The following PRDM5 variants were observed in gnomAD, a reference collection of about 807,000 sequenced individuals.
The protein encoded by PRDM5 is PR domain zinc finger protein 5.
A neutral mutation model predicts 81.2 loss-of-function variants in PRDM5; 56 were observed. The observed-to-expected ratio is 0.69, with a 90% confidence interval of 0.56 to 0.86. The LOEUF is 0.86. Ranked by LOEUF, PRDM5 falls within the 40% of genes least tolerant of loss-of-function variation. The pLI, the probability that PRDM5 is intolerant of heterozygous loss-of-function variation, is 0.00. For missense variants in PRDM5, 697 were observed against 770.1 expected, an observed-to-expected ratio of 0.91 and a Z score of 1.12; for synonymous variants, 267 against 256.4, an observed-to-expected ratio of 1.04 and a Z score of -0.39.
At chr4:120,704,884 G>T (rs2149010861) in intron 15 of PRDM5, among the ~76,000 whole-genome samples, 1 of 152,290 alleles carries the variant, frequency 6.6e-6, no homozygotes, top group East Asian at 1.9e-4. Context: ...GAAGAACATG[G>T]CTCAGCTGGG....
intron 7 of PRDM5, among the ~76,000 whole-genome samples, chr4:120,813,496 T>C (rs1262118581): frequency 1.3e-5 from 2 of 152,238 alleles, no homozygotes; most frequent in Non-Finnish European, 2.9e-5. Flanking sequence ...ACTGCATTTA[T>C]GAAAGAAATA....
chr4:120,849,596 C>T (rs2149410551), intron 3 of PRDM5, among the ~76,000 whole-genome samples: 1 of 152,242 alleles, frequency 6.6e-6, no homozygotes, highest in Non-Finnish European at 1.5e-5. Flanking sequence ...ACAGAAAAGA[C>T]ATGCCTGAAA....
intron 2 of PRDM5, among the ~76,000 whole-genome samples, chr4:120,858,373 A>G (rs1760127147): frequency 6.6e-6 from 1 of 151,926 alleles, no homozygotes; most frequent in African/African-American, 2.4e-5. Flanking sequence ...AGTGTGCTCA[A>G]GTAGTCAATT....
chr4:120,774,584 C>T lies in PRDM5; in HGVS notation c.1537+2604G>A, dbSNP rs114729472. Among the ~76,000 whole-genome samples the T allele has an allele frequency of 3.1e-3, 466 of 152,298 alleles. 3 individuals carry two copies. Among genetic ancestry groups the T allele is most frequent in the African/African-American group, 0.011 (459 of 41,574 alleles). On this transcript the variant is annotated intron_variant, in intron 13 of 15. Transcript: ENST00000264808. The stretch of plus-strand genomic sequence containing the variant: ...GCAAATAAAAGGGAAGCGAAAGCAT[C>T]ATTTGTCCATGCAGGAAAACAAATT...
chr4:120,784,791 A>T (rs1050683637), intron 11 of PRDM5, among the ~76,000 whole-genome samples: 10 of 152,184 alleles, frequency 6.6e-5, no homozygotes, highest in African/African-American at 2.2e-4. Flanking sequence ...AAAATATCTC[A>T]TAAAATAATT....
intron 14 of PRDM5, among the ~76,000 whole-genome samples, chr4:120,733,657 TG>T (rs756850920): frequency 2.0e-5 from 3 of 152,180 alleles, no homozygotes; most frequent in Non-Finnish European, 2.9e-5. Context: ...CTTCTGGGTA[TG>T]CAGAGAACTC....
intron 13 of PRDM5, among the ~76,000 whole-genome samples, chr4:120,761,634 A>C (rs1184536849): frequency 1.3e-5 from 2 of 152,204 alleles, no homozygotes; most frequent in Admixed American, 6.5e-5. Flanking sequence ...CACATCACTG[A>C]ATATCCATCT....
At chr4:120,775,813 C>A (rs1394280935) in intron 13 of PRDM5, among the ~76,000 whole-genome samples, 1 of 152,154 alleles carries the variant, frequency 6.6e-6, no homozygotes, top group Non-Finnish European at 1.5e-5. Context: ...CTTGCCCTTA[C>A]TCCATCCTAA....
rs143534822 is a variant in PRDM5 at position 120,747,443 on chromosome 4, A to G, written c.1623+7110T>C. Among the ~76,000 whole-genome samples the G allele has an allele frequency of 3.1e-3, 466 of 152,240 alleles. 3 individuals carry two copies. Among genetic ancestry groups the G allele is most frequent in the African/African-American group, 0.011 (459 of 41,564 alleles). On this transcript the variant is annotated intron_variant, in intron 14 of 15. Coordinates refer to ENST00000264808, the MANE Select transcript of PRDM5 (RefSeq NM_018699.4). ...AAAACTTTAAGTATAATAATAAAAA[A>G]ATAAAAAATTAAAAAATAAATAAAT...
At chr4:120,690,610 G>T (rs1187116677), downstream of PRDM5, among the ~76,000 whole-genome samples, 9 of 152,020 alleles carry the variant, frequency 5.9e-5, no homozygotes, top group African/African-American at 1.9e-4. Flanking sequence ...ATTAAGGAAA[G>T]AAAGCATTAT....
In PRDM5 at chr4:120,692,932, G is replaced by A. The variant is rs1734169308; in HGVS notation, c.*2179C>T. The A allele has an allele frequency of 6.6e-6, 1 of 152,072 alleles. No homozygotes were observed. The highest frequency in any genetic ancestry group is 2.4e-5 in the African/African-American group (1 of 41,422). 9.4% of individuals were successfully genotyped at this position (152,072 alleles called of 1,614,324 possible). On this transcript the variant is annotated 3_prime_UTR_variant, in exon 16 of 16. Coordinates refer to ENST00000264808, the MANE Select transcript of PRDM5 (RefSeq NM_018699.4). ...TGCTAATATATCTGAAACTACCCAT[G>A]AATACTTGTCTTTTGGATAAAAATT...
intron 14 of PRDM5, among the ~76,000 whole-genome samples, chr4:120,711,990 T>C (rs1432455991): frequency 2.0e-5 from 3 of 152,162 alleles, no homozygotes; most frequent in African/African-American, 7.2e-5. Context: ...AAAATATTGC[T>C]ATAAACATTC....
rs1310906352 is a variant in PRDM5 at position 120,695,233 on chromosome 4, G to A, written c.1771C>T (p.His591Tyr). 1 of 1,613,434 alleles carries A rather than the reference G, an allele frequency of 6.2e-7. No individual in the cohort carries two copies. Among genetic ancestry groups the A allele is most frequent in the Non-Finnish European group, 8.5e-7 (1 of 1,179,658 alleles). The stretch of plus-strand genomic sequence containing the variant: ...CGATTGGGATTATGAGTCATCTTGT[G>A]TCGAATCAGCATTTTCTTCAGGCTA... ...AFSLKKMLIR[H>Y]KMTHNPNRPL... The change falls in exon 16 of 16, where the codon CAC becomes TAC. Residue 591 changes from histidine (H) to tyrosine (Y), a missense_variant. His to Tyr is a moderately conservative substitution (Grantham distance 83). This residue lies in a region of PRDM5 where 86 missense variants were observed against 135.2 expected (regional missense o/e 0.64). Transcript: ENST00000264808.
chr4:120,720,325 C>A (rs1408389212), intron 14 of PRDM5, among the ~76,000 whole-genome samples: 1 of 152,164 alleles, frequency 6.6e-6, no homozygotes, highest in African/African-American at 2.4e-5. Context: ...GAAACCCATG[C>A]TGTGATTTTC....
intron 3 of PRDM5, among the ~76,000 whole-genome samples, chr4:120,834,637 C>T (rs555307795): frequency 6.6e-6 from 1 of 152,144 alleles, no homozygotes; most frequent in Non-Finnish European, 1.5e-5. Flanking sequence ...AAATATTATT[C>T]TGTGTGTTTC....
intron 13 of PRDM5, among the ~76,000 whole-genome samples, chr4:120,770,188 A>C (rs1011768271): frequency 1.5e-4 from 23 of 151,966 alleles, no homozygotes; most frequent in African/African-American, 5.3e-4. Flanking sequence ...ACCCATCACC[A>C]AGGCTAATTT....
intron 14 of PRDM5, among the ~76,000 whole-genome samples, chr4:120,746,843 AAACTACTTC>A (rs2149128809): frequency 6.8e-6 from 1 of 146,114 alleles, no homozygotes; most frequent in East Asian, 2.2e-4. Context: ...GTGGGACTGT[AAACTACTTC>A]AACCATTGTG....
chr4:120,854,587 T>C (rs918796029), intron 2 of PRDM5, among the ~76,000 whole-genome samples: 3 of 152,108 alleles, frequency 2.0e-5, no homozygotes, highest in Non-Finnish European at 4.4e-5. Flanking sequence ...CAACAAACAA[T>C]TATTGGGTCC....
chr4:120,805,401 A>G (rs1186376043), intron 8 of PRDM5, among the ~76,000 whole-genome samples: 1 of 152,226 alleles, frequency 6.6e-6, no homozygotes, highest in Non-Finnish European at 1.5e-5. Context: ...AGAATAAAAA[A>G]AGAGAATTTT....
Sources: gnomAD v4.1 joint callset for allele counts (sites outside exome capture counted in the v4.1 genomes callset) on GRCh38, gnomAD v4.1.1 for gene constraint, gnomAD v4.1.1 regional missense constraint, MANE v1.5 for transcripts, NCBI Gene and HGNC (gene_info 2026-07-23, HGNC 2026-07-21) for gene names.